PPARGC1A: variants seen among roughly 807,000 people sequenced by gnomAD.
PPARGC1A encodes peroxisome proliferator-activated receptor gamma coactivator 1-alpha.
A neutral mutation model predicts 88.7 loss-of-function variants in PPARGC1A; 25 were observed. The ratio of observed to expected loss-of-function variants is 0.28; its 90% CI spans 0.21 to 0.39. PPARGC1A has a LOEUF of 0.39. PPARGC1A is among the 10% of genes least tolerant of loss of function. The pLI is 1.00. For synonymous variants in PPARGC1A, 363 were observed against 355.6 expected (o/e 1.02, Z -0.24); for missense variants, 880 against 968.7 (o/e 0.91, Z 1.22).
At chr4:24,101,956 C>T in the PPARGC1A span, among the ~76,000 whole-genome samples, 15 of 151,022 alleles carry the variant, frequency 9.9e-5, no homozygotes, top group South Asian at 2.1e-4. Context: ...AACACATCCA[C>T]GCCCTCATGG....
the PPARGC1A span, among the ~76,000 whole-genome samples, chr4:24,350,644 CTG>C: frequency 5.0e-3 from 760 of 152,316 alleles, 6 homozygotes; most frequent in African/African-American, 0.017. Context: ...ACAAAACAAA[CTG>C]TGCAATTTAC....
chr4:24,413,490 T>C, the PPARGC1A span, among the ~76,000 whole-genome samples: 1 of 152,112 alleles, frequency 6.6e-6, no homozygotes, highest in Non-Finnish European at 1.5e-5. Context: ...CAGGCAAAGG[T>C]TATTTCAATG....
the PPARGC1A span, among the ~76,000 whole-genome samples, chr4:24,149,185 A>C: frequency 1.3e-5 from 2 of 152,252 alleles, no homozygotes; most frequent in African/African-American, 4.8e-5. Context: ...AGTCTGATAA[A>C]GAATTTTCTA....
the PPARGC1A span, among the ~76,000 whole-genome samples, chr4:24,284,570 C>T: frequency 6.6e-6 from 1 of 152,288 alleles, no homozygotes. Flanking sequence ...GGGAAGTGTG[C>T]GCCCCATTGT....
At chr4:24,459,485 A>T in the PPARGC1A span, among the ~76,000 whole-genome samples, 1 of 152,208 alleles carries the variant, frequency 6.6e-6, no homozygotes, top group Middle Eastern at 3.4e-3. Context: ...GGTATTCAGA[A>T]ATCAATTAAG....
At chr4:24,419,489 C>T in the PPARGC1A span, among the ~76,000 whole-genome samples, 7 of 147,428 alleles carry the variant, frequency 4.7e-5, no homozygotes, top group African/African-American at 1.5e-4. Flanking sequence ...TCCAAAGAAC[C>T]CTACAATCCC....
chr4:23,828,681 A>T, intron 4 of PPARGC1A, 77 bp from the exon 5 acceptor site: 1 of 1,366,710 alleles, frequency 7.3e-7, no homozygotes, highest in Admixed American at 1.8e-5. Flanking sequence ...TTCTGGAGAG[A>T]TGGGATTTTT....
chr4:24,105,549 G>A, the PPARGC1A span, among the ~76,000 whole-genome samples: 1 of 152,186 alleles, frequency 6.6e-6, no homozygotes, highest in Non-Finnish European at 1.5e-5. Flanking sequence ...TTTCAATGCA[G>A]ACTCTGATTC....
the PPARGC1A span, among the ~76,000 whole-genome samples, chr4:24,443,786 C>T: frequency 3.6e-4 from 54 of 150,320 alleles, 2 homozygotes; most frequent in South Asian, 0.011. Context: ...GAACTCCTGA[C>T]CTCGTGATCC....
the PPARGC1A span, among the ~76,000 whole-genome samples, chr4:24,196,156 G>A: frequency 6.6e-6 from 1 of 152,194 alleles, no homozygotes; most frequent in African/African-American, 2.4e-5. Flanking sequence ...CCTGACGGAT[G>A]GTGTACTAGT....
the PPARGC1A span, among the ~76,000 whole-genome samples, chr4:23,934,772 T>C: frequency 1.3e-5 from 2 of 152,212 alleles, no homozygotes; most frequent in African/African-American, 4.8e-5. Context: ...ATAAGGAAAC[T>C]GAGGCTCATC....
chr4:23,993,689 C>T, the PPARGC1A span, among the ~76,000 whole-genome samples: 1 of 152,076 alleles, frequency 6.6e-6, no homozygotes, highest in Admixed American at 6.6e-5. Flanking sequence ...AGGGTTTGAA[C>T]CAAGCTCCAA....
the PPARGC1A span, among the ~76,000 whole-genome samples, chr4:24,291,751 A>C: frequency 4.0e-4 from 61 of 152,354 alleles, 1 homozygote; most frequent in African/African-American, 1.4e-3. Flanking sequence ...CAGCAAAATG[A>C]AGACTAAATT....
intron 1 of PPARGC1A, among the ~76,000 whole-genome samples, chr4:23,897,655 T>TTGG (rs5856801): frequency 1.3e-5 from 2 of 151,776 alleles, no homozygotes; most frequent in African/African-American, 2.4e-5. Flanking sequence ...GCGCTCAGTG[T>TTGG]TGCTGAAAGA....
the PPARGC1A span, among the ~76,000 whole-genome samples, chr4:23,914,612 A>G: frequency 8.5e-5 from 13 of 152,346 alleles, no homozygotes; most frequent in South Asian, 1.0e-3. Flanking sequence ...TCCCATCCCT[A>G]TATAAGGAAA....
the PPARGC1A span, among the ~76,000 whole-genome samples, chr4:24,420,551 C>T: frequency 1.3e-5 from 2 of 152,136 alleles, no homozygotes; most frequent in Non-Finnish European, 2.9e-5. Flanking sequence ...TCCACACTCC[C>T]GGCTGGGATT....
the PPARGC1A span, among the ~76,000 whole-genome samples, chr4:24,200,103 A>C: frequency 6.6e-6 from 1 of 152,198 alleles, no homozygotes; most frequent in Non-Finnish European, 1.5e-5. Context: ...AAATAATATT[A>C]AAAATATAGA....
the PPARGC1A span, among the ~76,000 whole-genome samples, chr4:24,137,797 G>A: frequency 6.6e-6 from 1 of 152,138 alleles, no homozygotes; most frequent in Non-Finnish European, 1.5e-5. Flanking sequence ...GCAGATCATT[G>A]CGTACAAGCA....
At chr4:24,045,818 A>C in the PPARGC1A span, among the ~76,000 whole-genome samples, 1 of 152,198 alleles carries the variant, frequency 6.6e-6, no homozygotes, top group African/African-American at 2.4e-5. Flanking sequence ...TAATAAATAC[A>C]TTAGGCCTTT....
Sources: allele counts gnomAD v4.1 joint callset (sites outside exome capture counted in the v4.1 genomes callset), GRCh38; gene constraint gnomAD v4.1.1; transcripts MANE v1.5; gene names NCBI Gene and HGNC (gene_info 2026-07-23, HGNC 2026-07-21).